MYOZ2: variants seen among roughly 807,000 people sequenced by gnomAD.
The protein encoded by MYOZ2 is myozenin-2.
Under a neutral mutation model 25.4 loss-of-function variants are expected in MYOZ2, and 19 were observed. That is an observed-to-expected ratio of 0.75 (90% CI 0.52 to 1.10). The LOEUF (loss-of-function observed/expected upper bound fraction) is 1.10, where lower values mean the gene tolerates loss of function less well. MYOZ2 is among the 50% of genes least tolerant of loss of function. MYOZ2 has a pLI of 0.00. For missense variants in MYOZ2, 270 were observed against 317.9 expected, an observed-to-expected ratio of 0.85 and a Z score of 1.15; for synonymous variants, 92 against 106.9, an observed-to-expected ratio of 0.86 and a Z score of 0.86.
chr4:119,142,425 T>C (rs1294447266), intron 2 of MYOZ2, among the ~76,000 whole-genome samples: 2 of 152,150 alleles, frequency 1.3e-5, no homozygotes, highest in Non-Finnish European at 2.9e-5. Flanking sequence ...ATAGACACAC[T>C]AAAAAATAAA....
chr4:119,148,725 A>ATTT (rs202187477), intron 2 of MYOZ2, among the ~76,000 whole-genome samples: 38 of 67,126 alleles, frequency 5.7e-4, no homozygotes, highest in African/African-American at 1.7e-3. Context: ...CTCGACTGAG[A>ATTT]TTTTTTTTTT....
At chr4:119,185,829 C>T (rs1742280261) in intron 5 of MYOZ2, 137 bp from the exon 6 acceptor site, 2 of 732,070 alleles carry the variant, frequency 2.7e-6, no homozygotes, top group Admixed American at 5.0e-5. Context: ...GACAGTCATT[C>T]ATAGAATATA....
chr4:119,173,115 A>G (rs540422029), intron 5 of MYOZ2, among the ~76,000 whole-genome samples: 88 of 152,354 alleles, frequency 5.8e-4, no homozygotes, highest in African/African-American at 2.0e-3. Context: ...AATAATTAGT[A>G]ATTATTATAG....
rs1475725989 is a variant in MYOZ2, at chr4:119,151,033, C to A, written c.238C>A (p.Gln80Lys). 19 of 1,610,112 alleles carry A rather than the reference C, an allele frequency of 1.2e-5. No homozygotes were observed. The highest frequency in any genetic ancestry group is 1.5e-5 in the Non-Finnish European group (18 of 1,176,572). Residue 80 changes from glutamine (Q) to lysine (K), a missense_variant, in exon 3 of 6, where the codon CAA becomes AAA. Coordinates refer to ENST00000307128, the MANE Select transcript of MYOZ2 (RefSeq NM_016599.5). Reference protein sequence around the residue: ...FENFQYQSRAQINHSIAMQNG... With the variant: ...FENFQYQSRAKINHSIAMQNG... ...AAATTTCCAGTATCAATCTAGAGCA[C>A]AAATAAATGTAGGTATAACTTGAAC...
At chr4:119,178,355 C>T (rs1173087270) in intron 5 of MYOZ2, among the ~76,000 whole-genome samples, 1 of 152,156 alleles carries the variant, frequency 6.6e-6, no homozygotes, top group Non-Finnish European at 1.5e-5. Context: ...ATATACTCAG[C>T]CTGAACTCTT....
chr4:119,136,190 G>T (rs1186007032), intron 1 of MYOZ2, among the ~76,000 whole-genome samples: 1 of 152,104 alleles, frequency 6.6e-6, no homozygotes, highest in Non-Finnish European at 1.5e-5. Flanking sequence ...TACAAATGAA[G>T]GCCAGTGAGG....
intron 3 of MYOZ2, among the ~76,000 whole-genome samples, chr4:119,151,340 C>T (rs1741446343): frequency 6.6e-6 from 1 of 152,092 alleles, no homozygotes; most frequent in South Asian, 2.1e-4. Flanking sequence ...CTAAAAGTTT[C>T]CATGGTCTTA....
chr4:119,169,135 T>C (rs78779063), intron 5 of MYOZ2, among the ~76,000 whole-genome samples: 3,476 of 152,308 alleles, frequency 0.023, 131 homozygotes, highest in African/African-American at 0.079. Context: ...CAGATGACCA[T>C]TAGCATTTAT....
chr4:119,147,755 A>ATAAAT (rs1553957919), intron 2 of MYOZ2, among the ~76,000 whole-genome samples: 3,062 of 150,594 alleles, frequency 0.02, 54 homozygotes, highest in Non-Finnish European at 0.032. Flanking sequence ...AAAAAAAAAA[A>ATAAAT]AATCTACTTT....
At chr4:119,143,486 G>A (rs781733187) in intron 2 of MYOZ2, among the ~76,000 whole-genome samples, 3 of 152,132 alleles carry the variant, frequency 2.0e-5, no homozygotes, top group Admixed American at 6.5e-5. Flanking sequence ...GAGCCACCGC[G>A]CCTGGCCTGG....
At chr4:119,181,734 C>T (rs1243118431) in intron 5 of MYOZ2, among the ~76,000 whole-genome samples, 1 of 152,050 alleles carries the variant, frequency 6.6e-6, no homozygotes, top group African/African-American at 2.4e-5. Flanking sequence ...ATGTATTAAA[C>T]ATTCTGCAGG....
At chr4:119,170,543 A>T (rs1481150658) in intron 5 of MYOZ2, among the ~76,000 whole-genome samples, 1 of 152,116 alleles carries the variant, frequency 6.6e-6, no homozygotes, top group Non-Finnish European at 1.5e-5. Flanking sequence ...AAATAATATA[A>T]ATGTTTTTAA....
chr4:119,171,390 T>A (rs764561514), intron 5 of MYOZ2, among the ~76,000 whole-genome samples: 1 of 152,002 alleles, frequency 6.6e-6, no homozygotes, highest in Non-Finnish European at 1.5e-5. Context: ...TTGTGCACTT[T>A]CTGTATCTTA....
chr4:119,156,745 G>A (rs1741586378), intron 3 of MYOZ2, among the ~76,000 whole-genome samples: 1 of 152,060 alleles, frequency 6.6e-6, no homozygotes, highest in African/African-American at 2.4e-5. Flanking sequence ...TTTTATCATT[G>A]TCATTTTCTG....
rs551313518 is a variant in MYOZ2 at position 119,140,186 on chromosome 4, T to C, written c.76+3585T>C. Among the ~76,000 whole-genome samples the C allele has an allele frequency of 2.6e-5, 4 of 152,330 alleles. No individual in the cohort carries two copies. The South Asian group carries it at 8.3e-4, about 32-fold the overall frequency. On this transcript the variant is annotated intron_variant, in intron 2 of 5. Transcript: ENST00000307128. Reference sequence around the variant, plus strand: ...ACATCAGTGTGTTTGAGTTTCTCTATCAGTAACAAAGGAAATGATAATATT... The same window carrying C: ...ACATCAGTGTGTTTGAGTTTCTCTACCAGTAACAAAGGAAATGATAATATT...
intron 5 of MYOZ2, among the ~76,000 whole-genome samples, chr4:119,173,583 A>G (rs938220158): frequency 6.6e-6 from 1 of 152,192 alleles, no homozygotes; most frequent in Non-Finnish European, 1.5e-5. Context: ...GCAGCTCTTC[A>G]TTGTATCTGT....
Position 119,136,619 on chromosome 4 carries a change from T to C in MYOZ2, c.76+18T>C. The C allele has an allele frequency of 6.2e-7, 1 of 1,605,772 alleles. No homozygotes were observed. The highest frequency in any genetic ancestry group is 8.5e-7 in the Non-Finnish European group (1 of 1,173,134). On this transcript the variant is annotated intron_variant, in intron 2 of 5. Coordinates refer to ENST00000307128, the MANE Select transcript of MYOZ2 (RefSeq NM_016599.5). ...TGGAAATGGTATCAATAAAAATCCT[T>C]CGTAGCATTAATATAGCACAGCATG...
intron 5 of MYOZ2, among the ~76,000 whole-genome samples, chr4:119,176,525 G>T (rs1417919678): frequency 6.6e-6 from 1 of 152,094 alleles, no homozygotes; most frequent in African/African-American, 2.4e-5. Flanking sequence ...GCCTGGCCCT[G>T]AACAAACTAT....
intron 5 of MYOZ2, among the ~76,000 whole-genome samples, chr4:119,177,534 C>T (rs1428295581): frequency 6.6e-6 from 1 of 152,122 alleles, no homozygotes; most frequent in Non-Finnish European, 1.5e-5. Flanking sequence ...CACAAACATC[C>T]TATACCTCAC....
Sources: allele counts gnomAD v4.1 joint callset (sites outside exome capture counted in the v4.1 genomes callset), GRCh38; gene constraint gnomAD v4.1.1; transcripts MANE v1.5; gene names NCBI Gene and HGNC (gene_info 2026-07-23, HGNC 2026-07-21).